CADPS: variants seen among roughly 807,000 people sequenced by gnomAD.
CADPS encodes calcium dependent secretion activator, also known as calcium-dependent secretion activator 1.
Under a neutral mutation model 167.3 loss-of-function variants are expected in CADPS, and 57 were observed. The ratio of observed to expected loss-of-function variants is 0.34; its 90% confidence interval spans 0.28 to 0.42. The LOEUF (loss-of-function observed/expected upper bound fraction) is 0.42, where lower values mean the gene tolerates loss of function less well. Among genes scored for constraint, CADPS ranks in the 20% least tolerant of loss-of-function variants. The pLI is 1.00. For synonymous variants in CADPS, 676 were observed against 635.3 expected (o/e 1.06, Z -0.96); for missense variants, 1,414 against 1,738.1 (o/e 0.81, Z 3.32).
At chr3:62,788,506 C>T (rs304210) in intron 1 of CADPS, among the ~76,000 whole-genome samples, 114,146 of 151,802 alleles carry the variant, frequency 0.75, 43,200 homozygotes, top group East Asian at 0.95. Context: ...ACAAGATCCA[C>T]GCCTTCAATC....
chr3:62,580,518 T>C (rs923981721), intron 8 of CADPS, among the ~76,000 whole-genome samples: 6 of 151,264 alleles, frequency 4.0e-5, no homozygotes, highest in African/African-American at 1.5e-4. Context: ...CACACCAGCA[T>C]GGCACATGTA....
chr3:62,781,809 C>A (rs956437619), intron 1 of CADPS, among the ~76,000 whole-genome samples: 11 of 152,016 alleles, frequency 7.2e-5, no homozygotes, highest in African/African-American at 2.7e-4. Flanking sequence ...CCTCAAAGAC[C>A]ACCTTTGGAA....
intron 3 of CADPS, among the ~76,000 whole-genome samples, chr3:62,739,503 T>C (rs901916818): frequency 3.3e-5 from 5 of 152,308 alleles, no homozygotes; most frequent in East Asian, 3.9e-4. Context: ...AATAAACACA[T>C]CCCTTATAAA....
At chr3:62,651,347 T>C (rs916960870) in intron 4 of CADPS, among the ~76,000 whole-genome samples, 1 of 152,258 alleles carries the variant, frequency 6.6e-6, no homozygotes, top group African/African-American at 2.4e-5. Context: ...AGTTCTATTT[T>C]TCCCCAGTTT....
intron 12 of CADPS, among the ~76,000 whole-genome samples, chr3:62,534,663 C>T (rs745869452): frequency 2.6e-5 from 4 of 152,050 alleles, no homozygotes; most frequent in African/African-American, 7.2e-5. Context: ...GGAACTCAGT[C>T]GAAGACACAG....
At chr3:62,829,509 TA>T (rs1401571642) in intron 1 of CADPS, among the ~76,000 whole-genome samples, 2 of 152,124 alleles carry the variant, frequency 1.3e-5, no homozygotes, top group African/African-American at 4.8e-5. Context: ...TCACAGGTTA[TA>T]GTGAATATTG....
chr3:62,560,358 C>T (rs964607068), intron 9 of CADPS, among the ~76,000 whole-genome samples: 5 of 152,140 alleles, frequency 3.3e-5, no homozygotes, highest in African/African-American at 1.2e-4. Context: ...GTTCCTCTGT[C>T]GTAGTAGAAT....
chr3:62,828,631 T>C (rs535165010), intron 1 of CADPS, among the ~76,000 whole-genome samples: 1 of 152,284 alleles, frequency 6.6e-6, no homozygotes, highest in South Asian at 2.1e-4. Flanking sequence ...ATATTCACAG[T>C]TGAGGGCCAA....
intron 3 of CADPS, among the ~76,000 whole-genome samples, chr3:62,685,165 T>G (rs1376251435): frequency 6.6e-6 from 1 of 152,022 alleles, no homozygotes; most frequent in Non-Finnish European, 1.5e-5. Context: ...CAAGGCACAG[T>G]GCAACAGATC....
chr3:62,477,177 T>A (rs901267412), intron 23 of CADPS, among the ~76,000 whole-genome samples: 2 of 152,142 alleles, frequency 1.3e-5, no homozygotes, highest in Non-Finnish European at 2.9e-5. Flanking sequence ...TTACTTCACC[T>A]TTCCTCTTCC....
rs1345515862 is a variant in CADPS at position 62,533,009 on chromosome 3, C to T, written c.2153G>A (p.Arg718Gln). 2 of 1,613,626 alleles carry T rather than the reference C, an allele frequency of 1.2e-6. No homozygotes were observed. Among genetic ancestry groups the T allele is most frequent in the Non-Finnish European group, 8.5e-7 (1 of 1,179,824 alleles). Residue 718 changes from arginine to glutamine, a missense_variant, in exon 13 of 30, where the codon CGA becomes CAA. Coordinates refer to ENST00000383710, the MANE Select transcript of CADPS (RefSeq NM_003716.4). Reference protein sequence around the residue: ...QVFVLDEYCARNGVRGCHRHL... With the variant: ...QVFVLDEYCAQNGVRGCHRHL... Reference sequence around the variant, plus strand: ...TCGGTGACACCCCCGGACTCCATTTCGGGCGCAATACTCGTCTAGTACAAA... The same window carrying T: ...TCGGTGACACCCCCGGACTCCATTTTGGGCGCAATACTCGTCTAGTACAAA...
chr3:62,804,125 G>A (rs1020148381), intron 1 of CADPS, among the ~76,000 whole-genome samples: 2 of 152,116 alleles, frequency 1.3e-5, no homozygotes, highest in Non-Finnish European at 2.9e-5. Context: ...TTGCTTACTT[G>A]ATGAATGTCT....
At chr3:62,824,057 CA>C (rs1215132763) in intron 1 of CADPS, among the ~76,000 whole-genome samples, 1 of 149,026 alleles carries the variant, frequency 6.7e-6, no homozygotes, top group Non-Finnish European at 1.5e-5. Context: ...AGGATTTGGA[CA>C]AAAAAACAAA....
intron 17 of CADPS, chr3:62,500,160 G>GT (rs976049241): frequency 2.7e-4 from 41 of 151,574 alleles, no homozygotes; most frequent in Middle Eastern, 3.4e-3. Flanking sequence ...TCTTTTTCTT[G>GT]TTTTTTTTGG....
chr3:62,817,280 GA>G (rs1440310916), intron 1 of CADPS, among the ~76,000 whole-genome samples: 2 of 152,134 alleles, frequency 1.3e-5, no homozygotes, highest in Admixed American at 6.6e-5. Context: ...ACAGTATTGA[GA>G]AAGGTATATT....
chr3:62,723,160 A>G (rs1477172325), intron 3 of CADPS, among the ~76,000 whole-genome samples: 1 of 152,248 alleles, frequency 6.6e-6, no homozygotes, highest in Non-Finnish European at 1.5e-5. Flanking sequence ...CTTCTTGTAG[A>G]AAGTGCTACA....
At chr3:62,685,968 A>G (rs1004446263) in intron 3 of CADPS, among the ~76,000 whole-genome samples, 8 of 152,052 alleles carry the variant, frequency 5.3e-5, no homozygotes, top group African/African-American at 1.9e-4. Flanking sequence ...TATAGTTTCA[A>G]ATAGCTAGGA....
chr3:62,818,622 A>C (rs759611125), intron 1 of CADPS, among the ~76,000 whole-genome samples: 3 of 152,216 alleles, frequency 2.0e-5, no homozygotes, highest in Non-Finnish European at 4.4e-5. Context: ...ACTTTGCATA[A>C]CGGTTTGGCA....
rs188528567 is a variant in CADPS at position 62,614,604 on chromosome 3, G to A, written c.1326-21856C>T. On this transcript the variant is annotated intron_variant, in intron 6 of 29. Transcript: ENST00000383710. Reference sequence around the variant, plus strand: ...TTGTCTGGCTCTTGTAAACATTTACGTTTGTGATCCCTGTTGAAGGGAATA... The same window carrying A: ...TTGTCTGGCTCTTGTAAACATTTACATTTGTGATCCCTGTTGAAGGGAATA... 1.1e-3 allele frequency among the ~76,000 whole-genome samples: 162 copies of A among 152,268 alleles called. 1 individual carries two copies. The highest frequency in any genetic ancestry group is 1.8e-3 in the Non-Finnish European group (124 of 68,006).
Sources: allele counts gnomAD v4.1 joint callset (sites outside exome capture counted in the v4.1 genomes callset), GRCh38; gene constraint gnomAD v4.1.1; transcripts MANE v1.5; gene names NCBI Gene and HGNC (gene_info 2026-07-23, HGNC 2026-07-21).